TDRD1: variants seen among roughly 807,000 people sequenced by gnomAD.
The protein encoded by TDRD1 is tudor domain containing 1, also known as tudor domain-containing protein 1.
In TDRD1, 37 loss-of-function variants were observed where a neutral mutation model predicts 140.6. The observed-to-expected ratio is 0.26, with a 90% CI of 0.20 to 0.35. The LOEUF (loss-of-function observed/expected upper bound fraction) is 0.35. Ranked by LOEUF, TDRD1 falls within the 10% of genes least tolerant of loss-of-function variation. The pLI is 1.00. For synonymous variants in TDRD1, 506 were observed against 475.7 expected, an observed-to-expected ratio of 1.06 and a Z score of -0.83; for missense variants, 1,243 against 1,393.0, an observed-to-expected ratio of 0.89 and a Z score of 1.71.
chr10:114,231,215 AACAC>A (rs1424240941), intron 25 of TDRD1, among the ~76,000 whole-genome samples: 1 of 152,250 alleles, frequency 6.6e-6, no homozygotes, highest in East Asian at 1.9e-4. Flanking sequence ...GTGATGTTTC[AACAC>A]ACAAGTTAAT....
At chr10:114,192,292 CTTTTTT>C (rs938140798) in intron 3 of TDRD1, among the ~76,000 whole-genome samples, 63 of 75,104 alleles carry the variant, frequency 8.4e-4, no homozygotes, top group African/African-American at 1.8e-3. Flanking sequence ...GATAGTTTTC[CTTTTTT>C]TTTTTTTTTT....
intron 25 of TDRD1, among the ~76,000 whole-genome samples, chr10:114,229,397 A>C (rs2036624399): frequency 6.6e-6 from 1 of 152,196 alleles, no homozygotes; most frequent in African/African-American, 2.4e-5. Context: ...GGTCAATTGA[A>C]TTATAAGCTA....
At chr10:114,213,237 G>A (rs937614677) in intron 14 of TDRD1, 109 bp from the exon 15 acceptor site, 15 of 973,494 alleles carry the variant, frequency 1.5e-5, no homozygotes, top group Non-Finnish European at 1.8e-5. Flanking sequence ...ACACGTTTCC[G>A]TTCCAGTGTT....
At chr10:114,204,759 A>G in exon 10 of TDRD1, 1 of 1,598,650 alleles carries the variant, frequency 6.3e-7, no homozygotes. Context: ...ATCCCAGCAG[A>G]AGGGAATTGG....
intron 14 of TDRD1, among the ~76,000 whole-genome samples, 173 bp from the exon 15 acceptor site, chr10:114,213,173 C>T (rs1471792083): frequency 6.6e-6 from 1 of 152,156 alleles, no homozygotes; most frequent in Non-Finnish European, 1.5e-5. Context: ...CATTGCCCAC[C>T]AGCAGGCTTT....
chr10:114,207,788 A>T (rs1251192989), intron 11 of TDRD1, among the ~76,000 whole-genome samples: 1 of 152,050 alleles, frequency 6.6e-6, no homozygotes, highest in East Asian at 1.9e-4. Context: ...CATCAGTAAT[A>T]TCAGATGCTA....
chr10:114,221,212 T>TG, intron 19 of TDRD1, 145 bp from the exon 20 acceptor site: 1 of 915,854 alleles, frequency 1.1e-6, no homozygotes, highest in African/African-American at 1.7e-5. Context: ...GATTGTTTTG[T>TG]GAAAAAATAC....
At chr10:114,200,372 TTTG>T (rs147704940) in intron 4 of TDRD1, among the ~76,000 whole-genome samples, 21,985 of 151,844 alleles carry the variant, frequency 0.14, 1,680 homozygotes, top group African/African-American at 0.18. Context: ...TCTTTGTGGG[TTTG>T]TTGTTGTTGT....
chr10:114,200,923 T>G (rs143425235), intron 4 of TDRD1, among the ~76,000 whole-genome samples: 2,763 of 140,128 alleles, frequency 0.02, 92 homozygotes, highest in African/African-American at 0.07. Flanking sequence ...TGGTACAATC[T>G]CAGCTCACTG....
At chr10:114,225,558 T>A (rs1241794003) in intron 21 of TDRD1, among the ~76,000 whole-genome samples, 14 of 147,042 alleles carry the variant, frequency 9.5e-5, no homozygotes, top group Admixed American at 2.0e-4. Context: ...TCTACGCATT[T>A]AAAAAAAAAA....
chr10:114,200,409 T>C (rs2034651180), intron 4 of TDRD1, among the ~76,000 whole-genome samples: 1 of 152,192 alleles, frequency 6.6e-6, no homozygotes, highest in Non-Finnish European at 1.5e-5. Context: ...ATAACCTGTT[T>C]CTTTAGCATG....
intron 14 of TDRD1, 122 bp from the exon 15 acceptor site, chr10:114,213,224 G>A: frequency 2.3e-6 from 2 of 857,182 alleles, no homozygotes; most frequent in South Asian, 3.6e-5. Context: ...TTCTTCTTAA[G>A]TGACACGTTT....
chr10:114,200,755 T>G (rs1325923470), intron 4 of TDRD1, among the ~76,000 whole-genome samples: 1 of 151,454 alleles, frequency 6.6e-6, no homozygotes, highest in Non-Finnish European at 1.5e-5. Context: ...ACTCCTGACC[T>G]CACCTCAAGT....
chr10:114,212,471 G>C (rs929483827), intron 14 of TDRD1, among the ~76,000 whole-genome samples: 1 of 152,146 alleles, frequency 6.6e-6, no homozygotes, highest in Admixed American at 6.5e-5. Context: ...AAGTATGAGA[G>C]AGTCCATTCT....
chr10:114,187,131 G>A (rs2033600319), intron 1 of TDRD1, among the ~76,000 whole-genome samples: 1 of 152,186 alleles, frequency 6.6e-6, no homozygotes, highest in African/African-American at 2.4e-5. Flanking sequence ...GAGACACTTT[G>A]TGACAAATTA....
In TDRD1 at chr10:114,231,586, C is replaced by A. The variant is rs1033851635; in HGVS notation, c.*69C>A. ...ACCTGGTGTTTTTATTTATGAGAAC[C>A]TTTTCTTTGTCCACTTTCTCTGTAA... is the stretch of plus-strand genomic sequence containing the variant. On this transcript the variant is annotated 3_prime_UTR_variant, in exon 26 of 26. Coordinates refer to ENST00000251864, the Ensembl canonical transcript of TDRD1. The A allele has an allele frequency of 5.4e-6, 7 of 1,305,508 alleles. No individual in the cohort carries two copies. The African/African-American group carries it at 7.7e-5, about 14-fold the overall frequency. 80.9% of individuals were successfully genotyped at this position (1,305,508 alleles called of 1,614,324 possible).
At chr10:114,209,771 T>G (rs1183900508) in intron 11 of TDRD1, among the ~76,000 whole-genome samples, 1 of 152,238 alleles carries the variant, frequency 6.6e-6, no homozygotes, top group Non-Finnish European at 1.5e-5. Context: ...AACCATTTCC[T>G]TTAATAAGTC....
upstream of TDRD1, among the ~76,000 whole-genome samples, chr10:114,178,247 T>G (rs1166406006): frequency 6.6e-6 from 1 of 152,124 alleles, no homozygotes; most frequent in Non-Finnish European, 1.5e-5. Context: ...AGAATTGAAG[T>G]TAGTGAAGTT....
intron 21 of TDRD1, among the ~76,000 whole-genome samples, chr10:114,225,674 G>A (rs992246264): frequency 6.6e-6 from 1 of 152,016 alleles, no homozygotes; most frequent in Non-Finnish European, 1.5e-5. Flanking sequence ...AGCCTTGGCA[G>A]CATGGCAAGA....
Sources: allele counts gnomAD v4.1 joint callset (sites outside exome capture counted in the v4.1 genomes callset), GRCh38; gene constraint gnomAD v4.1.1; transcripts MANE v1.5; gene names NCBI Gene and HGNC (gene_info 2026-07-23, HGNC 2026-07-21).